Variants in FCMR observed in about 807,000 individuals in gnomAD.
The protein encoded by FCMR is immunoglobulin mu Fc receptor.
FCMR carries 34 observed loss-of-function variants against 41.6 expected under a neutral mutation model. That is an observed-to-expected ratio of 0.82 (90% CI 0.62 to 1.09). FCMR has a LOEUF of 1.09. Among genes scored for constraint, FCMR ranks in the 50% least tolerant of loss-of-function variants. The pLI, the probability that FCMR is intolerant of heterozygous loss-of-function variation, is 0.00. For missense variants in FCMR, 496 were observed against 512.5 expected (o/e 0.97, Z 0.31); for synonymous variants, 209 against 211.8 (o/e 0.99, Z 0.12).
Position 206,909,571 on chromosome 1 carries a change from C to G in FCMR, c.986-51G>C. ...GGCGGCGGCCGAGGCTCCCGCCCCA[C>G]CGTCATGCTACTACTCCCAGCTCCA... On this transcript the variant is annotated intron_variant, in intron 6 of 7. Transcript: ENST00000367091. This position sits in a 1 kb window ranked among gnomAD's most constrained non-coding sequence, Gnocchi z 5.0. 7.8e-7 allele frequency: 1 copy of G among 1,285,026 alleles called. No homozygotes were observed. The highest frequency in any genetic ancestry group is 2.1e-5 in the South Asian group (1 of 48,268). 79.6% of individuals were successfully genotyped at this position (1,285,026 alleles called of 1,614,324 possible).
chr1:206,918,724 T>C (rs1679302542), intron 1 of FCMR, among the ~76,000 whole-genome samples: 1 of 151,934 alleles, frequency 6.6e-6, no homozygotes, highest in Non-Finnish European at 1.5e-5. Context: ...TGTATGTATG[T>C]ATGTATGTAT....
intron 7 of FCMR, chr1:206,906,256 A>G: frequency 2.5e-6 from 1 of 396,050 alleles, no homozygotes; most frequent in Non-Finnish European, 5.0e-6. Context: ...GAAATGAGAG[A>G]TGATCAAGAT....
In FCMR at chr1:206,909,839, C is replaced by G. The variant is rs1678845209; in HGVS notation, c.871G>C (p.Val291Leu). Reference sequence around the variant, plus strand: ...GAGCTCTCCAGGGCGCGCATCCTCACGGCCAGTCGGCGGGCCCGCCTGGAG... The same window carrying G: ...GAGCTCTCCAGGGCGCGCATCCTCAGGGCCAGTCGGCGGGCCCGCCTGGAG... ...ALSRRARRLA[V>L]RMRALESSQR... Residue 291 changes from valine to leucine, a missense_variant, in exon 6 of 8, where the codon GTG becomes CTG. Transcript: ENST00000367091. This position sits in a 1 kb window ranked among gnomAD's most constrained non-coding sequence, Gnocchi z 5.0. The G allele has an allele frequency of 7.2e-7, 1 of 1,387,864 alleles. No individual in the cohort carries two copies. Among genetic ancestry groups the G allele is most frequent in the African/African-American group, 1.5e-5 (1 of 65,422 alleles). The allele number at this position is 1,387,864 out of a possible 1,614,324, so 86.0% of individuals were successfully genotyped here.
chr1:206,915,866 C>G (rs568390053), intron 1 of FCMR, among the ~76,000 whole-genome samples: 1 of 151,974 alleles, frequency 6.6e-6, no homozygotes, highest in South Asian at 2.1e-4. Context: ...TTTAGTCAAA[C>G]AAGAGTCAGG....
Position 206,909,459 on chromosome 1 carries a change from T to A in FCMR, c.1044+3A>T. 5 of 1,281,530 alleles carry A rather than the reference T, an allele frequency of 3.9e-6. No homozygotes were observed. The highest frequency in any genetic ancestry group is 4.9e-6 in the Non-Finnish European group (5 of 1,014,658). 79.4% of individuals were successfully genotyped at this position (1,281,530 alleles called of 1,614,324 possible). A position where few individuals can be genotyped will look rare whatever the true frequency, so the allele number is the denominator to read the frequency against. ...TGCCAATCAGGGCAGGAGCGGAGCT[T>A]ACCTGCAGCGGGGCGGGGGGCAACG... is the stretch of plus-strand genomic sequence containing the variant. On this transcript the variant is annotated splice_donor_region_variant and intron_variant, in intron 7 of 7. Transcript: ENST00000367091. This position sits in a 1 kb window ranked among gnomAD's most constrained non-coding sequence, Gnocchi z 5.0.
At chr1:206,908,035 C>A in intron 7 of FCMR, 4 of 1,261,864 alleles carry the variant, frequency 3.2e-6, no homozygotes, top group Non-Finnish European at 4.6e-6. Flanking sequence ...CTATCTGGAG[C>A]GCCTGGCTCA....
Position 206,909,983 on chromosome 1 carries a change from G to A in FCMR, c.842-115C>T, listed in dbSNP as rs1312983119. The A allele has an allele frequency of 8.1e-7, 1 of 1,232,348 alleles. No individual in the cohort carries two copies. The highest frequency in any genetic ancestry group is 1.1e-6 in the Non-Finnish European group (1 of 941,738). The allele number at this position is 1,232,348 out of a possible 1,614,324, so 76.3% of individuals were successfully genotyped here. On this transcript the variant is annotated intron_variant, in intron 5 of 7. Transcript: ENST00000367091. The surrounding 1 kb of genome is among the most constrained non-coding windows in gnomAD (Gnocchi z 5.0). ...GCTTGGCAGTGTCTGACCTGGAGAT[G>A]CTCCAAGCGTGGGGAATGTACGAGG...
rs1414899770 is a variant in FCMR, at chr1:206,921,821, G to C, written c.34C>G (p.Pro12Ala). Residue 12 changes from proline (P) to alanine (A), a missense_variant, in exon 1 of 8, where the codon CCA (proline) becomes GCA (alanine). By Grantham distance (27) the Pro-to-Ala change is conservative. Transcript: ENST00000367091. ...DFWLWPLYFLPVSGALRILPE... is the reference protein window; with the variant it reads ...DFWLWPLYFLAVSGALRILPE... ...AGTGTTTCCCCACGGTACTTACCTG[G>C]CAGGAAGTAAAGTGGCCAAAGCCAG... is the stretch of plus-strand genomic sequence containing the variant. The C allele has an allele frequency of 6.2e-7, 1 of 1,613,894 alleles. No individual in the cohort carries two copies. Among genetic ancestry groups the C allele is most frequent in the Non-Finnish European group, 8.5e-7 (1 of 1,179,772 alleles).
rs1572610013 is a variant in FCMR, at chr1:206,903,371, A to C, written c.*1648T>G. 2 of 284,916 alleles carry C rather than the reference A, an allele frequency of 7.0e-6. No homozygotes were observed. Among genetic ancestry groups the C allele is most frequent in the East Asian group, 1.5e-4 (2 of 12,914 alleles). 17.6% of individuals were successfully genotyped at this position (284,916 alleles called of 1,614,324 possible). On this transcript the variant is annotated 3_prime_UTR_variant, in exon 8 of 8. Coordinates refer to ENST00000367091, the MANE Select transcript of FCMR (RefSeq NM_005449.5). The stretch of plus-strand genomic sequence containing the variant: ...ACTGTAAGTTACATGAAGGCAGCAG[A>C]ATATTGTGCCCCATGCTTCTTTACC...
intron 1 of FCMR, among the ~76,000 whole-genome samples, chr1:206,918,243 A>G (rs1394486795): frequency 6.6e-6 from 1 of 152,140 alleles, no homozygotes; most frequent in Admixed American, 6.5e-5. Flanking sequence ...TCCTTAGTGC[A>G]TACCCTCAAC....
chr1:206,912,602 T>C (rs560461218), intron 3 of FCMR, among the ~76,000 whole-genome samples: 4 of 152,350 alleles, frequency 2.6e-5, no homozygotes, highest in Non-Finnish European at 4.4e-5. Flanking sequence ...CTGGGAAATG[T>C]CTGCCCAGTC....
At position 206,921,813 on chromosome 1, in the gene FCMR, CT is replaced by C; in HGVS notation, c.37+4del. 1 of 1,614,040 alleles carries C rather than the reference CT, an allele frequency of 6.2e-7. No individual in the cohort carries two copies. Among genetic ancestry groups the C allele is most frequent in the Non-Finnish European group, 8.5e-7 (1 of 1,179,908 alleles). ...AGGTCTGAAGTGTTTCCCCACGGTA[CT>C]TACCTGGCAGGAAGTAAAGTGGCCA... On this transcript the variant is annotated splice_donor_region_variant and intron_variant, in intron 1 of 7. Coordinates refer to ENST00000367091, the MANE Select transcript of FCMR (RefSeq NM_005449.5).
At chr1:206,910,025 C>T (rs933339225) in intron 5 of FCMR, 157 bp from the exon 6 acceptor site, 2 of 1,141,080 alleles carry the variant, frequency 1.8e-6, no homozygotes, top group Non-Finnish European at 1.2e-6. Context: ...CTTGCCCTGC[C>T]CTGAAGACCA....
chr1:206,921,452 T>A (rs1192625688), intron 1 of FCMR: 1 of 420,188 alleles, frequency 2.4e-6, no homozygotes, highest in African/African-American at 2.0e-5. Context: ...AAATTAAAAA[T>A]TAGCTGGGCA....
intron 7 of FCMR, among the ~76,000 whole-genome samples, chr1:206,908,765 A>G (rs934344953): frequency 1.3e-5 from 2 of 152,208 alleles, no homozygotes; most frequent in Admixed American, 6.5e-5. Context: ...CTTTTAAAAA[A>G]AGCTTTATTC....
At chr1:206,914,305 T>C (rs1002679945) in intron 1 of FCMR, among the ~76,000 whole-genome samples, 2 of 141,330 alleles carry the variant, frequency 1.4e-5, no homozygotes, top group East Asian at 4.3e-4. Context: ...TTTCTTTTTC[T>C]TTTCTTTCCT....
At chr1:206,910,187 C>T (rs761289327) in intron 5 of FCMR, 23 bp downstream of exon 5, 1 of 1,578,100 alleles carries the variant, frequency 6.3e-7, no homozygotes, top group East Asian at 2.3e-5. Context: ...CTCAGCTCTC[C>T]CTACCGAAGC....
At position 206,903,678 on chromosome 1, in the gene FCMR, C is replaced by G. The variant is rs3748669; in HGVS notation, c.*1341G>C. ...GATCCTCAATAAACATTTCATTTCCCACCCACACTCGCCAGCTCACCCCAT... is the reference window on the plus strand; with the variant it reads ...GATCCTCAATAAACATTTCATTTCCGACCCACACTCGCCAGCTCACCCCAT... On this transcript the variant is annotated 3_prime_UTR_variant, in exon 8 of 8. Coordinates refer to ENST00000367091, the MANE Select transcript of FCMR (RefSeq NM_005449.5). 12,078 of 152,404 alleles carry G rather than the reference C, an allele frequency of 0.079. 904 individuals are homozygous for G. The highest frequency in any genetic ancestry group is 0.18 in the African/African-American group (7,505 of 41,484). 9.4% of individuals were successfully genotyped at this position (152,404 alleles called of 1,614,324 possible). A position where few individuals can be genotyped will look rare whatever the true frequency, so the allele number is the denominator to read the frequency against.
At chr1:206,907,017 G>A (rs1440592007) in intron 7 of FCMR, among the ~76,000 whole-genome samples, 1 of 148,584 alleles carries the variant, frequency 6.7e-6, no homozygotes, top group Non-Finnish European at 1.5e-5. Flanking sequence ...TCAGACTGCT[G>A]AACACTGCCA....
Sources: gnomAD v4.1 joint callset for allele counts (sites outside exome capture counted in the v4.1 genomes callset) on GRCh38, gnomAD v4.1.1 for gene constraint, Gnocchi (gnomAD v3.1) non-coding constraint, MANE v1.5 for transcripts, NCBI Gene and HGNC (gene_info 2026-07-23, HGNC 2026-07-21) for gene names.